Variants in IGSF9B observed in about 807,000 individuals in gnomAD.
IGSF9B encodes immunoglobulin superfamily member 9B.
A neutral mutation model predicts 143.7 loss-of-function variants in IGSF9B; 48 were observed. The ratio of observed to expected loss-of-function variants is 0.33; its 90% CI spans 0.26 to 0.42. The LOEUF (loss-of-function observed/expected upper bound fraction) is 0.42. Ranked by LOEUF, IGSF9B falls within the 20% of genes least tolerant of loss-of-function variation. The pLI is 1.00. For synonymous variants in IGSF9B, 903 were observed against 833.1 expected, an observed-to-expected ratio of 1.08 and a Z score of -1.44; for missense variants, 1,706 against 1,980.0, an observed-to-expected ratio of 0.86 and a Z score of 2.63.
Position 133,931,314 on chromosome 11 carries a change from CCAGAA to C in IGSF9B, c.1368+134_1368+138del. ...GGCATCTAGCCTGGTCAGGGCAGGT[CCAGAA>C]TAGAACTGCTCGCTGGGCCCTCACA... On this transcript the variant is annotated intron_variant, in intron 10 of 19. Coordinates refer to ENST00000533871, the MANE Select transcript of IGSF9B (RefSeq NM_001277285.4). The surrounding 1 kb of genome is among the most constrained non-coding windows in gnomAD (Gnocchi z 7.7). The C allele has an allele frequency of 1.2e-6, 1 of 860,784 alleles. No homozygotes were observed. Among genetic ancestry groups the C allele is most frequent in the Non-Finnish European group, 1.8e-6 (1 of 551,076 alleles). 53.3% of individuals were successfully genotyped at this position (860,784 alleles called of 1,614,324 possible). A position where few individuals can be genotyped will look rare whatever the true frequency, so the allele number is the denominator to read the frequency against.
Position 133,898,425 on chromosome 11 carries a change from A to G in IGSF9B, c.*10644T>C, listed in dbSNP as rs969979439. 5 of 153,750 alleles carry G rather than the reference A, an allele frequency of 3.3e-5. No homozygotes were observed. The highest frequency in any genetic ancestry group is 7.3e-5 in the Non-Finnish European group (5 of 68,228). 9.5% of individuals were successfully genotyped at this position (153,750 alleles called of 1,614,324 possible). On this transcript the variant is annotated 3_prime_UTR_variant, in exon 20 of 20. Coordinates refer to ENST00000533871, the MANE Select transcript of IGSF9B (RefSeq NM_001277285.4). ...GAAATGGAGGAAAGAAGCTCATCTA[A>G]AACTTGCCCCCAGGTGTGCGATGGG...
chr11:133,939,143 C>G (rs377326914), intron 3 of IGSF9B, among the ~76,000 whole-genome samples: 34 of 152,236 alleles, frequency 2.2e-4, no homozygotes, highest in African/African-American at 7.5e-4. Flanking sequence ...CTGCCTTTGT[C>G]TTCCTCAAAT....
chr11:133,920,509 G>C lies in IGSF9B; in HGVS notation c.3216C>G (p.Pro1072=). 6.3e-7 allele frequency: 1 copy of C among 1,597,336 alleles called. No homozygotes were observed. The highest frequency in any genetic ancestry group is 8.5e-7 in the Non-Finnish European group (1 of 1,171,270). The change falls in exon 18 of 20, where the codon CCC becomes CCG. Residue 1072 remains proline (P), a synonymous_variant. Coordinates refer to ENST00000533871, the MANE Select transcript of IGSF9B (RefSeq NM_001277285.4). ...GCAGTCCTCGGGGGAGGCCGGCCTTGGGCTGCAGACTCTCGGGCACATCAC... is the reference window on the plus strand; with the variant it reads ...GCAGTCCTCGGGGGAGGCCGGCCTTCGGCTGCAGACTCTCGGGCACATCAC... The part of the protein sequence containing the change: ...PPCDVPESLQ[P]KAGLPRGLPP...
rs575261011 is a variant in IGSF9B, at chr11:133,908,350, T to C, written c.*719A>G. On this transcript the variant is annotated 3_prime_UTR_variant, in exon 20 of 20. Coordinates refer to ENST00000533871, the MANE Select transcript of IGSF9B (RefSeq NM_001277285.4). ...CTGAACCCCCATAGAAGGCAGCCGGTAATCACAGCAAGGCCCCATTTCTGC... is the reference window on the plus strand; with the variant it reads ...CTGAACCCCCATAGAAGGCAGCCGGCAATCACAGCAAGGCCCCATTTCTGC... Among the ~76,000 whole-genome samples the C allele has an allele frequency of 1.3e-5, 2 of 152,130 alleles. No homozygotes were observed. Among genetic ancestry groups the C allele is most frequent in the African/African-American group, 4.8e-5 (2 of 41,534 alleles).
chr11:133,945,120 C>T lies in IGSF9B; in HGVS notation c.263-754G>A, dbSNP rs548912871. On this transcript the variant is annotated intron_variant, in intron 2 of 19. Transcript: ENST00000533871. This position sits in a 1 kb window ranked among gnomAD's most constrained non-coding sequence, Gnocchi z 4.6. ...TGTGGCAATGAGGAGGCCAGAGGTG[C>T]AGAAGCCTCTTCCATGACGCCAGCA... Among the ~76,000 whole-genome samples, 4 of 152,294 alleles carry T rather than the reference C, an allele frequency of 2.6e-5. No individual in the cohort carries two copies. In the South Asian group the frequency reaches 8.3e-4, roughly 32 times the overall value.
chr11:133,919,430 G>T (rs1939464201), intron 18 of IGSF9B, among the ~76,000 whole-genome samples: 1 of 152,226 alleles, frequency 6.6e-6, no homozygotes, highest in African/African-American at 2.4e-5. Flanking sequence ...GAGGGACGGG[G>T]TCCACCCCCG....
intron 18 of IGSF9B, among the ~76,000 whole-genome samples, chr11:133,917,674 C>T (rs908146234): frequency 1.3e-5 from 2 of 152,084 alleles, no homozygotes; most frequent in Non-Finnish European, 2.9e-5. Flanking sequence ...GGGACCTGAC[C>T]CTGCAGAGGA....
Position 133,896,555 on chromosome 11 carries a change from C to T in IGSF9B, c.*12514G>A, listed in dbSNP as rs529602811. On this transcript the variant is annotated 3_prime_UTR_variant, in exon 20 of 20. Transcript: ENST00000533871. ...TCATCAGTTTAACTTGCAACACTCCCGGGGTACCTGCACTGGCTGCACATC... is the reference window on the plus strand; with the variant it reads ...TCATCAGTTTAACTTGCAACACTCCTGGGGTACCTGCACTGGCTGCACATC... 1 of 152,206 alleles carries T rather than the reference C, an allele frequency of 6.6e-6. No homozygotes were observed. The highest frequency in any genetic ancestry group is 2.1e-4 in the South Asian group (1 of 4,830). The allele number at this position is 152,206 out of a possible 1,614,324, so 9.4% of individuals were successfully genotyped here. A position where few individuals can be genotyped will look rare whatever the true frequency, so the allele number is the denominator to read the frequency against.
chr11:133,936,876 C>A (rs1371460621), intron 5 of IGSF9B, among the ~76,000 whole-genome samples: 1 of 152,248 alleles, frequency 6.6e-6, no homozygotes, highest in African/African-American at 2.4e-5. Context: ...CAGTTCCTGG[C>A]CCCTCTCTGG....
Position 133,902,561 on chromosome 11 carries a change from ACACACC to A in IGSF9B, c.*6502_*6507del, listed in dbSNP as rs1939155531. ...TATACCACACACACCACATACACAC[ACACACC>A]CCACACACACACACACACACCCCAC... On this transcript the variant is annotated 3_prime_UTR_variant, in exon 20 of 20. Transcript: ENST00000533871. Among the ~76,000 whole-genome samples, 1 of 117,320 alleles carries A rather than the reference ACACACC, an allele frequency of 8.5e-6. No individual in the cohort carries two copies. The highest frequency in any genetic ancestry group is 1.9e-5 in the Non-Finnish European group (1 of 51,344). 77.0% of individuals were successfully genotyped at this position (117,320 alleles called of 152,430 possible).
At position 133,909,093 on chromosome 11, in the gene IGSF9B, G is replaced by T; in HGVS notation, c.4290C>A (p.Asp1430Glu). ...TAILNSVDHD[D>E]PGHATLL Reference sequence around the variant, plus strand: ...GTCACAGCAAAGTGGCATGTCCTGGGTCATCGTGGTCCACACTGTTGAGAA... The same window carrying T: ...GTCACAGCAAAGTGGCATGTCCTGGTTCATCGTGGTCCACACTGTTGAGAA... The change falls in exon 20 of 20, where the codon GAC (aspartate) becomes GAA (glutamate). Residue 1430 changes from aspartate (D) to glutamate (E), a missense_variant. Transcript: ENST00000533871. This position sits in a 1 kb window ranked among gnomAD's most constrained non-coding sequence, Gnocchi z 4.2. The T allele has an allele frequency of 6.5e-7, 1 of 1,535,942 alleles. No individual in the cohort carries two copies.
chr11:133,950,052 A>C (rs1940130237), intron 1 of IGSF9B, among the ~76,000 whole-genome samples: 1 of 152,052 alleles, frequency 6.6e-6, no homozygotes, highest in Admixed American at 6.5e-5. Context: ...ACCTTTTGGG[A>C]AGCCCACAGG....
Position 133,931,073 on chromosome 11 carries a change from G to A in IGSF9B, c.1430C>T (p.Ala477Val), listed in dbSNP as rs1303128639. The change falls in exon 11 of 20, where the codon GCC (alanine) becomes GTC (valine). Residue 477 changes from alanine to valine, a missense_variant. By Grantham distance (64) the Ala-to-Val change is moderately conservative. Transcript: ENST00000533871. This position sits in a 1 kb window ranked among gnomAD's most constrained non-coding sequence, Gnocchi z 7.7. ...CTCCCCGTGGTCCTCCTTACTCAGG[G>A]CACGGAACTGCAGGCTCCCACTGGG... Reference protein sequence around the residue: ...ALPSGSLQFRALSKEDHGEWE... With the variant: ...ALPSGSLQFRVLSKEDHGEWE... 22 of 1,613,666 alleles carry A rather than the reference G, an allele frequency of 1.4e-5. No individual in the cohort carries two copies. Among genetic ancestry groups the A allele is most frequent in the African/African-American group, 5.3e-5 (4 of 74,932 alleles).
At chr11:133,940,516 T>A (rs1323389903) in intron 3 of IGSF9B, among the ~76,000 whole-genome samples, 1 of 128,520 alleles carries the variant, frequency 7.8e-6, no homozygotes, top group Non-Finnish European at 1.6e-5. Flanking sequence ...CTCGCACGCG[T>A]CATCACATGC....
At chr11:133,924,042 C>T (rs1032507067) in intron 15 of IGSF9B, among the ~76,000 whole-genome samples, 8 of 152,190 alleles carry the variant, frequency 5.3e-5, no homozygotes, top group Admixed American at 5.2e-4. Flanking sequence ...CTCTCGTGCT[C>T]CCTGCAGTGT....
chr11:133,912,739 C>T (rs998803454), intron 18 of IGSF9B, among the ~76,000 whole-genome samples: 1 of 152,220 alleles, frequency 6.6e-6, no homozygotes, highest in Non-Finnish European at 1.5e-5. Context: ...CCCTTGCTGT[C>T]TGTAACAAGA....
chr11:133,928,640 C>G lies in IGSF9B; in HGVS notation c.1631+1031G>C, dbSNP rs1048807272. Among the ~76,000 whole-genome samples, 3 of 152,180 alleles carry G rather than the reference C, an allele frequency of 2.0e-5. No homozygotes were observed. The highest frequency in any genetic ancestry group is 2.9e-5 in the Non-Finnish European group (2 of 68,030). ...TCGCCCTCCCAGCTCAAGGTTGTCA[C>G]CCCCGGGGCAGGGCAGGTGGCTGCC... On this transcript the variant is annotated intron_variant, in intron 12 of 19. Coordinates refer to ENST00000533871, the MANE Select transcript of IGSF9B (RefSeq NM_001277285.4). The surrounding 1 kb of genome is among the most constrained non-coding windows in gnomAD (Gnocchi z 4.7).
rs556566415 is a variant in IGSF9B at position 133,932,041 on chromosome 11, T to G, written c.1110+30A>C. 35 of 1,594,468 alleles carry G rather than the reference T, an allele frequency of 2.2e-5. No homozygotes were observed. In the African/African-American group the frequency reaches 4.6e-4, roughly 21 times the overall value. On this transcript the variant is annotated intron_variant, in intron 8 of 19. Coordinates refer to ENST00000533871, the MANE Select transcript of IGSF9B (RefSeq NM_001277285.4). ...TCACAGTACTGGGGGGAGCCCTCAC[T>G]CCAACCCTCAACATGCATCTCTCTA...
At chr11:133,952,772 T>C (rs574233651) in intron 1 of IGSF9B, among the ~76,000 whole-genome samples, 2 of 149,248 alleles carry the variant, frequency 1.3e-5, no homozygotes, top group Non-Finnish European at 3.0e-5. Context: ...AACATGTGTG[T>C]ATGCGCACAC....
Sources: gnomAD v4.1 joint callset for allele counts (sites outside exome capture counted in the v4.1 genomes callset) on GRCh38, gnomAD v4.1.1 for gene constraint, Gnocchi (gnomAD v3.1) non-coding constraint, MANE v1.5 for transcripts, NCBI Gene and HGNC (gene_info 2026-07-23, HGNC 2026-07-21) for gene names.